Variants in ZNF12 observed in about 807,000 individuals in gnomAD.
The protein encoded by ZNF12 is zinc finger protein 12.
ZNF12 carries 34 observed loss-of-function variants against 66.6 expected under a neutral mutation model. The ratio of observed to expected loss-of-function variants is 0.51; its 90% CI spans 0.39 to 0.68. The LOEUF is 0.68. ZNF12 is among the 30% of genes least tolerant of loss of function. ZNF12 has a pLI of 0.00. For missense variants in ZNF12, 697 were observed against 826.9 expected (o/e 0.84, Z 1.93); for synonymous variants, 320 against 278.9 (o/e 1.15, Z -1.47).
Position 6,706,615 on chromosome 7 carries a change from G to C in ZNF12, c.-234C>G, listed in dbSNP as rs1211181594. On this transcript the variant is annotated 5_prime_UTR_variant, in exon 1 of 5. It adds an upstream start codon to the 5' untranslated region. Coordinates refer to ENST00000405858, the MANE Select transcript of ZNF12 (RefSeq NM_016265.4). ...GGCGGGGCGTCCCTCCCGGAGCCCAGATCCGTCTCCCTGGGGCTCACCGTC... is the reference window on the plus strand; with the variant it reads ...GGCGGGGCGTCCCTCCCGGAGCCCACATCCGTCTCCCTGGGGCTCACCGTC... 2.2e-6 allele frequency: 1 copy of C among 451,818 alleles called. No individual in the cohort carries two copies. The highest frequency in any genetic ancestry group is 4.4e-6 in the Non-Finnish European group (1 of 225,342). 28.0% of individuals were successfully genotyped at this position (451,818 alleles called of 1,614,324 possible).
At position 6,691,333 on chromosome 7, in the gene ZNF12, A is replaced by T. The variant is rs1780064579; in HGVS notation, c.1609T>A (p.Cys537Ser). The T allele has an allele frequency of 6.2e-7, 1 of 1,613,318 alleles. No homozygotes were observed. Among genetic ancestry groups the T allele is most frequent in the African/African-American group, 1.3e-5 (1 of 74,704 alleles). ...CCTTTGTGTATTCTCCGATGTCTAC[A>T]AAGGGCTGAGTTCTGGTAGAAGGTT... The part of the protein sequence containing the change: ...GKTFYQNSAL[C>S]RHRRIHKGEK... Residue 537 changes from cysteine (C) to serine (S), a missense_variant, in exon 5 of 5, where the codon TGT becomes AGT. By Grantham distance (112) the Cys-to-Ser change is moderately radical. This residue lies in a region of ZNF12 where 401 missense variants were observed against 519.0 expected (regional missense o/e 0.77). Coordinates refer to ENST00000405858, the MANE Select transcript of ZNF12 (RefSeq NM_016265.4).
In ZNF12 at chr7:6,692,647, G is replaced by A. The variant is rs766448252; in HGVS notation, c.295C>T (p.Pro99Ser). The change falls in exon 5 of 5, where the codon CCT becomes TCT. Residue 99 changes from proline to serine, a missense_variant. Physicochemically the swap from Pro to Ser is moderately conservative, Grantham distance 74. This residue lies in a region of ZNF12 where 241 missense variants were observed against 224.0 expected (regional missense o/e 1.08). Coordinates refer to ENST00000405858, the MANE Select transcript of ZNF12 (RefSeq NM_016265.4). The surrounding 1 kb of genome is among the most constrained non-coding windows in gnomAD (Gnocchi z 5.1). The part of the protein sequence containing the change: ...IERIQEEENK[P>S]SRQTVFIETL... ...TCAATGAACACAGTTTGCCTTGAAG[G>A]TTTATTTTCCTCTTCCTGGATTCTC... The A allele has an allele frequency of 1.2e-5, 19 of 1,610,066 alleles. No individual in the cohort carries two copies. In the East Asian group the frequency reaches 3.3e-4, roughly 28 times the overall value.
Position 6,696,776 on chromosome 7 carries a change from A to C in ZNF12, c.238+563T>G, listed in dbSNP as rs1352797275. ...TTAAAGAGGGAGACCCAGGTACTGCAGTCACCAAATTTCAGGAGGGCTGGG... is the reference window on the plus strand; with the variant it reads ...TTAAAGAGGGAGACCCAGGTACTGCCGTCACCAAATTTCAGGAGGGCTGGG... On this transcript the variant is annotated intron_variant, in intron 4 of 4. Coordinates refer to ENST00000405858, the MANE Select transcript of ZNF12 (RefSeq NM_016265.4). The surrounding 1 kb of genome is among the most constrained non-coding windows in gnomAD (Gnocchi z 4.0). Among the ~76,000 whole-genome samples the C allele has an allele frequency of 1.3e-5, 2 of 152,156 alleles. No individual in the cohort carries two copies. Among genetic ancestry groups the C allele is most frequent in the Non-Finnish European group, 2.9e-5 (2 of 68,024 alleles).
rs1467862115 is a variant in ZNF12, at chr7:6,705,910, G to A, written c.-51+522C>T. Among the ~76,000 whole-genome samples the A allele has an allele frequency of 6.6e-6, 1 of 152,106 alleles. No individual in the cohort carries two copies. The highest frequency in any genetic ancestry group is 1.5e-5 in the Non-Finnish European group (1 of 68,008). On this transcript the variant is annotated intron_variant, in intron 1 of 4. Transcript: ENST00000405858. This position sits in a 1 kb window ranked among gnomAD's most constrained non-coding sequence, Gnocchi z 4.0. ...CTACTCAAAAGGATCTTTTATTGAAGAACTTACGCTCACTTAACTAGGATA... is the reference window on the plus strand; with the variant it reads ...CTACTCAAAAGGATCTTTTATTGAAAAACTTACGCTCACTTAACTAGGATA...
At position 6,696,319 on chromosome 7, in the gene ZNF12, G is replaced by T. The variant is rs1168159646; in HGVS notation, c.238+1020C>A. 5.3e-5 allele frequency among the ~76,000 whole-genome samples: 8 copies of T among 152,204 alleles called. No individual in the cohort carries two copies. Among genetic ancestry groups the T allele is most frequent in the Non-Finnish European group, 1.2e-4 (8 of 68,036 alleles). ...TTTCACAGGGACCACTATAGAAGAAGAAGAGATTAGTATAGTTTAGTAAAT... is the reference window on the plus strand; with the variant it reads ...TTTCACAGGGACCACTATAGAAGAATAAGAGATTAGTATAGTTTAGTAAAT... On this transcript the variant is annotated intron_variant, in intron 4 of 4. Transcript: ENST00000405858. This position sits in a 1 kb window ranked among gnomAD's most constrained non-coding sequence, Gnocchi z 4.0.
In ZNF12 at chr7:6,692,613, A is replaced by G. The variant is rs1047909058; in HGVS notation, c.329T>C (p.Ile110Thr). ...SRQTVFIETL[I>T]EERGNVPGKT... ...ACCAGGAACATTACCTCTCTCTTCA[A>G]TCAGGGTCTCAATGAACACAGTTTG... Residue 110 changes from isoleucine to threonine, a missense_variant, in exon 5 of 5, where the codon ATT becomes ACT. Transcript: ENST00000405858. The surrounding 1 kb of genome is among the most constrained non-coding windows in gnomAD (Gnocchi z 5.1). The G allele has an allele frequency of 3.7e-6, 6 of 1,613,690 alleles. No individual in the cohort carries two copies. Among genetic ancestry groups the G allele is most frequent in the African/African-American group, 2.7e-5 (2 of 74,912 alleles).
chr7:6,706,560 G>A lies in ZNF12; in HGVS notation c.-179C>T. ...CACCAAGGCCGTTCTGCTCCAGAGG[G>A]GCCCGGGCCGGGCCTACGGGACAAA... On this transcript the variant is annotated 5_prime_UTR_variant, in exon 1 of 5. Coordinates refer to ENST00000405858, the MANE Select transcript of ZNF12 (RefSeq NM_016265.4). 1 of 466,946 alleles carries A rather than the reference G, an allele frequency of 2.1e-6. No homozygotes were observed. The highest frequency in any genetic ancestry group is 4.3e-6 in the Non-Finnish European group (1 of 234,408). 28.9% of individuals were successfully genotyped at this position (466,946 alleles called of 1,614,324 possible).
chr7:6,694,146 G>A (rs1298141765), intron 4 of ZNF12, among the ~76,000 whole-genome samples: 1 of 144,508 alleles, frequency 6.9e-6, no homozygotes, highest in Admixed American at 7.0e-5. Flanking sequence ...CAGCCTGGGT[G>A]ACAGAGTGAG....
chr7:6,695,689 G>A lies in ZNF12; in HGVS notation c.238+1650C>T, dbSNP rs1198983642. The stretch of plus-strand genomic sequence containing the variant: ...AGGACTATGATCCAAGAGCAAAACA[G>A]CTCAAGCAAAATATAGACACTATCG... On this transcript the variant is annotated intron_variant, in intron 4 of 4. Transcript: ENST00000405858. Among the ~76,000 whole-genome samples, 5 of 152,310 alleles carry A rather than the reference G, an allele frequency of 3.3e-5. No individual in the cohort carries two copies. In the East Asian group the frequency reaches 9.6e-4, roughly 29 times the overall value.
At position 6,705,106 on chromosome 7, in the gene ZNF12, A is replaced by G. The variant is rs1368383141; in HGVS notation, c.15+53T>C. The G allele has an allele frequency of 6.3e-7, 1 of 1,599,702 alleles. No individual in the cohort carries two copies. The highest frequency in any genetic ancestry group is 2.2e-5 in the East Asian group (1 of 44,672). Reference sequence around the variant, plus strand: ...AACTTTGAACCCTTAATCTCCTCCTAAGGTGTATTGTAAATCAGAGTAGAG... The same window carrying G: ...AACTTTGAACCCTTAATCTCCTCCTGAGGTGTATTGTAAATCAGAGTAGAG... On this transcript the variant is annotated intron_variant, in intron 2 of 4. Transcript: ENST00000405858. The surrounding 1 kb of genome is among the most constrained non-coding windows in gnomAD (Gnocchi z 4.0).
In ZNF12 at chr7:6,697,214, G is replaced by T; in HGVS notation, c.238+125C>A. The T allele has an allele frequency of 3.2e-6, 2 of 633,006 alleles. No individual in the cohort carries two copies. Among genetic ancestry groups the T allele is most frequent in the Non-Finnish European group, 2.6e-6 (1 of 383,560 alleles). 39.2% of individuals were successfully genotyped at this position (633,006 alleles called of 1,614,324 possible). ...GGAAGGAAGAAGTCTTTGGGAGTGAGATTCAGGTTCATAGAGCATATAAGC... is the reference window on the plus strand; with the variant it reads ...GGAAGGAAGAAGTCTTTGGGAGTGATATTCAGGTTCATAGAGCATATAAGC... On this transcript the variant is annotated intron_variant, in intron 4 of 4. Coordinates refer to ENST00000405858, the MANE Select transcript of ZNF12 (RefSeq NM_016265.4). The surrounding 1 kb of genome is among the most constrained non-coding windows in gnomAD (Gnocchi z 6.1).
intron 2 of ZNF12, chr7:6,704,074 C>G (rs1180560004): frequency 2.0e-5 from 3 of 152,136 alleles, no homozygotes; most frequent in African/African-American, 7.2e-5. Context: ...CACCTATAAT[C>G]CCAGCACTTT....
intron 2 of ZNF12, among the ~76,000 whole-genome samples, chr7:6,700,082 G>C (rs182146772): frequency 6.6e-6 from 1 of 151,690 alleles, no homozygotes; most frequent in East Asian, 1.9e-4. Flanking sequence ...TCAGGAAATC[G>C]AGACCATCCT....
chr7:6,691,020 G>C lies in ZNF12; in HGVS notation c.1922C>G (p.Ala641Gly). Reference protein sequence around the residue: ...KPFECNECGKAFSRMSYLTVH... With the variant: ...KPFECNECGKGFSRMSYLTVH... The stretch of plus-strand genomic sequence containing the variant: ...AGTGAGGTATGACATCCGAGAGAAG[G>C]CTTTTCCACACTCATTACATTCAAA... Residue 641 changes from alanine to glycine, a missense_variant, in exon 5 of 5, where the codon GCC becomes GGC. Physicochemically the swap from Ala to Gly is moderately conservative, Grantham distance 60. Around this residue, in one of 3 missense-constraint regions of ZNF12, gnomAD observed 401 missense variants for 519.0 expected, o/e 0.77. Coordinates refer to ENST00000405858, the MANE Select transcript of ZNF12 (RefSeq NM_016265.4). The C allele has an allele frequency of 3.7e-6, 6 of 1,613,270 alleles. No individual in the cohort carries two copies. The highest frequency in any genetic ancestry group is 5.1e-6 in the Non-Finnish European group (6 of 1,179,722).
At chr7:6,703,908 C>G (rs1451377496) in intron 2 of ZNF12, among the ~76,000 whole-genome samples, 1 of 152,218 alleles carries the variant, frequency 6.6e-6, no homozygotes, top group African/African-American at 2.4e-5. Context: ...GCAACCTTTT[C>G]CAACAAGGTC....
intron 2 of ZNF12, among the ~76,000 whole-genome samples, chr7:6,703,306 A>G (rs2115356341): frequency 6.6e-6 from 1 of 152,354 alleles, no homozygotes; most frequent in South Asian, 2.1e-4. Context: ...GAAATGCAAT[A>G]TGCCTGGGCT....
chr7:6,701,855 C>T (rs1280497949), intron 2 of ZNF12, among the ~76,000 whole-genome samples: 4 of 151,894 alleles, frequency 2.6e-5, no homozygotes, highest in East Asian at 1.9e-4. Flanking sequence ...ATTATCTCTC[C>T]CATCAAAACA....
In ZNF12 at chr7:6,689,188, A is replaced by C. The variant is rs560606265; in HGVS notation, c.*1660T>G. ...AGTCTCTCACAAAAGAAACAGTCCA[A>C]AGGAGGAGTGGCTACAAGGCTGCTT... is the stretch of plus-strand genomic sequence containing the variant. On this transcript the variant is annotated 3_prime_UTR_variant, in exon 5 of 5. Transcript: ENST00000405858. 6.6e-6 allele frequency: 1 copy of C among 152,306 alleles called. No homozygotes were observed. The highest frequency in any genetic ancestry group is 2.1e-4 in the South Asian group (1 of 4,824). The allele number at this position is 152,306 out of a possible 1,614,324, so 9.4% of individuals were successfully genotyped here. A position where few individuals can be genotyped will look rare whatever the true frequency, so the allele number is the denominator to read the frequency against.
intron 2 of ZNF12, among the ~76,000 whole-genome samples, chr7:6,703,038 C>A (rs1780281842): frequency 7.6e-6 from 1 of 131,092 alleles, no homozygotes. Flanking sequence ...AGCTCCCAAA[C>A]TACACACACA....
Sources: gnomAD v4.1 joint callset for allele counts (sites outside exome capture counted in the v4.1 genomes callset) on GRCh38, gnomAD v4.1.1 for gene constraint, gnomAD v4.1.1 regional missense constraint, Gnocchi (gnomAD v3.1) non-coding constraint, MANE v1.5 for transcripts, NCBI Gene and HGNC (gene_info 2026-07-23, HGNC 2026-07-21) for gene names.